Variants in PRKG1 observed in about 807,000 individuals in gnomAD.
The protein encoded by PRKG1 is cGMP-dependent protein kinase 1.
PRKG1 carries 35 observed loss-of-function variants against 88.1 expected under a neutral mutation model. The observed-to-expected ratio is 0.40, with a 90% CI of 0.30 to 0.53. The LOEUF (loss-of-function observed/expected upper bound fraction) is 0.53, where lower values mean the gene tolerates loss of function less well. PRKG1 is among the 20% of genes least tolerant of loss of function. The probability of loss-of-function intolerance (pLI) is 0.59; values close to 1 mark genes in which losing one functional copy is unlikely to be tolerated. For missense variants in PRKG1, 540 were observed against 839.8 expected (o/e 0.64, Z 4.41); for synonymous variants, 303 against 292.5 (o/e 1.04, Z -0.37).
At chr10:51,984,106 A>G (rs903443406) in intron 5 of PRKG1, among the ~76,000 whole-genome samples, 35 of 152,222 alleles carry the variant, frequency 2.3e-4, no homozygotes, top group Non-Finnish European at 4.1e-4. Flanking sequence ...GATATATGTG[A>G]TACTAGGCAC....
At chr10:51,129,041 T>G (rs1845499945) in intron 1 of PRKG1, among the ~76,000 whole-genome samples, 1 of 152,198 alleles carries the variant, frequency 6.6e-6, no homozygotes, top group East Asian at 1.9e-4. Flanking sequence ...TCTCTGTAAA[T>G]TTTTCAGGTG....
intron 10 of PRKG1, among the ~76,000 whole-genome samples, chr10:52,269,893 G>T (rs548959687): frequency 6.6e-6 from 1 of 152,024 alleles, no homozygotes; most frequent in Non-Finnish European, 1.5e-5. Flanking sequence ...TGCCTCCTCT[G>T]GAGCCACTGG....
intron 4 of PRKG1, among the ~76,000 whole-genome samples, chr10:51,846,463 G>T (rs1840401010): frequency 6.6e-6 from 1 of 152,080 alleles, no homozygotes; most frequent in South Asian, 2.1e-4. Context: ...AAAGAAAATG[G>T]TAATAGGACA....
chr10:52,098,497 A>C (rs1176111090), intron 7 of PRKG1, among the ~76,000 whole-genome samples: 1 of 152,158 alleles, frequency 6.6e-6, no homozygotes, highest in Non-Finnish European at 1.5e-5. Flanking sequence ...AAACAATACA[A>C]ATAAAAAGCA....
chr10:51,956,566 A>G (rs1392288555), intron 5 of PRKG1, among the ~76,000 whole-genome samples: 1 of 152,116 alleles, frequency 6.6e-6, no homozygotes, highest in African/African-American at 2.4e-5. Flanking sequence ...TGAACTGAGG[A>G]TATTTTCATT....
intron 1 of PRKG1, among the ~76,000 whole-genome samples, chr10:51,087,633 G>A (rs1844285889): frequency 6.6e-6 from 1 of 152,160 alleles, no homozygotes; most frequent in Non-Finnish European, 1.5e-5. Context: ...GAGCTCTTTG[G>A]TAATTTTTAA....
chr10:51,404,006 C>A (rs907827343), intron 2 of PRKG1, among the ~76,000 whole-genome samples: 3 of 152,104 alleles, frequency 2.0e-5, no homozygotes, highest in African/African-American at 7.2e-5. Context: ...GTTCTTTGCC[C>A]AGATACTTAA....
At chr10:52,258,583 G>A (rs1841360878) in intron 10 of PRKG1, among the ~76,000 whole-genome samples, 1 of 151,878 alleles carries the variant, frequency 6.6e-6, no homozygotes, top group African/African-American at 2.4e-5. Flanking sequence ...TTATTGCCCA[G>A]AATTACTGAT....
chr10:52,026,778 C>T (rs1224124883), intron 5 of PRKG1, among the ~76,000 whole-genome samples: 2 of 152,164 alleles, frequency 1.3e-5, no homozygotes, highest in Non-Finnish European at 2.9e-5. Flanking sequence ...AGATCAAGAC[C>T]ATCCTGGCTA....
chr10:51,163,442 C>T (rs1482896185), intron 2 of PRKG1, among the ~76,000 whole-genome samples: 1 of 152,180 alleles, frequency 6.6e-6, no homozygotes, highest in East Asian at 1.9e-4. Context: ...CTCCGGTCTA[C>T]AGCTCCCAGC....
At chr10:51,725,649 CGG>C in intron 3 of PRKG1, among the ~76,000 whole-genome samples, 1 of 143,664 alleles carries the variant, frequency 7.0e-6, no homozygotes, top group East Asian at 2.0e-4. Context: ...TTGTGGGGGT[CGG>C]GGACAGGGTT....
intron 1 of PRKG1, among the ~76,000 whole-genome samples, chr10:51,051,826 T>A (rs1211225437): frequency 6.6e-6 from 1 of 152,170 alleles, no homozygotes; most frequent in East Asian, 1.9e-4. Context: ...GTTGCACTTC[T>A]GTATATAAGC....
intron 2 of PRKG1, among the ~76,000 whole-genome samples, chr10:51,368,537 TC>T (rs1198739781): frequency 2.0e-5 from 3 of 152,060 alleles, no homozygotes; most frequent in African/African-American, 7.2e-5. Context: ...GGGTTTATAT[TC>T]CTCCAAAATC....
intron 9 of PRKG1, among the ~76,000 whole-genome samples, chr10:52,219,303 A>G (rs1840187531): frequency 6.6e-6 from 1 of 152,220 alleles, no homozygotes; most frequent in African/African-American, 2.4e-5. Context: ...GCTAATTAGA[A>G]AATGTAATTA....
intron 2 of PRKG1, among the ~76,000 whole-genome samples, chr10:51,420,952 T>C (rs1023764215): frequency 2.0e-5 from 3 of 152,106 alleles, no homozygotes; most frequent in Admixed American, 2.0e-4. Context: ...GAACTCACTA[T>C]CACATAGACA....
chr10:52,220,011 T>C (rs1481126904), intron 9 of PRKG1, among the ~76,000 whole-genome samples: 1 of 152,222 alleles, frequency 6.6e-6, no homozygotes, highest in Non-Finnish European at 1.5e-5. Flanking sequence ...ACACACTCCA[T>C]TTTAATGAGA....
intron 5 of PRKG1, among the ~76,000 whole-genome samples, chr10:51,986,481 A>G (rs1443866202): frequency 6.6e-6 from 1 of 152,252 alleles, no homozygotes; most frequent in Non-Finnish European, 1.5e-5. Flanking sequence ...GCACTTTCTC[A>G]GAGATCTGGG....
chr10:51,766,722 C>T (rs1191250977), intron 3 of PRKG1, among the ~76,000 whole-genome samples: 1 of 152,090 alleles, frequency 6.6e-6, no homozygotes, highest in Non-Finnish European at 1.5e-5. Context: ...TCATCCAAAC[C>T]TACTTACCTA....
intron 3 of PRKG1, among the ~76,000 whole-genome samples, chr10:51,789,217 G>A (rs1838805314): frequency 6.6e-6 from 1 of 152,202 alleles, no homozygotes; most frequent in African/African-American, 2.4e-5. Flanking sequence ...GCCAAAATCT[G>A]TTGTTATGCA....
Sources: allele counts gnomAD v4.1 joint callset (sites outside exome capture counted in the v4.1 genomes callset), GRCh38; gene constraint gnomAD v4.1.1; transcripts MANE v1.5; gene names NCBI Gene and HGNC (gene_info 2026-07-23, HGNC 2026-07-21).